MRTFB: variants seen among roughly 807,000 people sequenced by gnomAD.
MRTFB encodes myocardin related transcription factor B, also known as myocardin-related transcription factor B.
In MRTFB, 29 loss-of-function variants were observed where a neutral mutation model predicts 104.2. That is an observed-to-expected ratio of 0.28 (90% CI 0.21 to 0.38). The LOEUF (loss-of-function observed/expected upper bound fraction) is 0.38, where lower values mean the gene tolerates loss of function less well. MRTFB is among the 10% of genes least tolerant of loss of function. MRTFB has a pLI of 1.00. For synonymous variants in MRTFB, 535 were observed against 519.5 expected, an observed-to-expected ratio of 1.03 and a Z score of -0.41; for missense variants, 1,270 against 1,341.6, an observed-to-expected ratio of 0.95 and a Z score of 0.83.
At chr16:14,232,240 C>T (rs528833137) in intron 8 of MRTFB, among the ~76,000 whole-genome samples, 1 of 152,314 alleles carries the variant, frequency 6.6e-6, no homozygotes, top group African/African-American at 2.4e-5. Context: ...GTCTCTTTCA[C>T]ATACCAGTTA....
Position 14,232,078 on chromosome 16 carries a change from C to A in MRTFB, c.694-2068C>A, listed in dbSNP as rs1258621833. ...TATTACATTTGATACTACATCCATGCTCCTGGGTTATTTTTCATGTGATTA... is the reference window on the plus strand; with the variant it reads ...TATTACATTTGATACTACATCCATGATCCTGGGTTATTTTTCATGTGATTA... On this transcript the variant is annotated intron_variant, in intron 8 of 16. Transcript: ENST00000571589. Among the ~76,000 whole-genome samples, 8 of 152,296 alleles carry A rather than the reference C, an allele frequency of 5.3e-5. No individual in the cohort carries two copies. The South Asian group carries it at 8.3e-4, about 16-fold the overall frequency.
At chr16:14,070,560 C>T (rs1025037568), upstream of MRTFB, among the ~76,000 whole-genome samples, 1 of 152,224 alleles carries the variant, frequency 6.6e-6, no homozygotes, top group Non-Finnish European at 1.5e-5. Flanking sequence ...GGGAGTGGCA[C>T]AGGGGCTTCA....
chr16:14,144,454 A>G (rs2038186743), intron 3 of MRTFB: 2 of 152,334 alleles, frequency 1.3e-5, no homozygotes, highest in Non-Finnish European at 2.9e-5. Context: ...TCAGTTAGAT[A>G]GGAGGAATAA....
intron 2 of MRTFB, among the ~76,000 whole-genome samples, chr16:14,118,808 G>A (rs1397551873): frequency 6.6e-6 from 1 of 151,504 alleles, no homozygotes; most frequent in South Asian, 2.1e-4. Context: ...ACTACATTTG[G>A]TTTGAAGATT....
the MRTFB span, among the ~76,000 whole-genome samples, chr16:13,999,233 C>T: frequency 6.6e-6 from 1 of 151,442 alleles, no homozygotes; most frequent in Non-Finnish European, 1.5e-5. Flanking sequence ...ACCTCAGAGG[C>T]TTTCCTGGGT....
At chr16:14,119,775 G>A (rs187670517) in intron 2 of MRTFB, among the ~76,000 whole-genome samples, 3 of 152,160 alleles carry the variant, frequency 2.0e-5, no homozygotes, top group Admixed American at 6.5e-5. Flanking sequence ...GGTCTGTTGG[G>A]GCTTAGTGTA....
chr16:14,181,847 C>G (rs754283856), intron 3 of MRTFB, among the ~76,000 whole-genome samples: 1 of 152,076 alleles, frequency 6.6e-6, no homozygotes, highest in Non-Finnish European at 1.5e-5. Context: ...TTGGATTGTT[C>G]CTAGTCTCTA....
intron 2 of MRTFB, among the ~76,000 whole-genome samples, chr16:14,094,835 C>T (rs2035271582): frequency 6.6e-6 from 1 of 152,180 alleles, no homozygotes; most frequent in African/African-American, 2.4e-5. Context: ...GTGTTCCATG[C>T]TGTCATTAAT....
intron 3 of MRTFB, chr16:14,144,382 A>T (rs2038182069): frequency 6.6e-6 from 1 of 152,210 alleles, no homozygotes; most frequent in Non-Finnish European, 1.5e-5. Context: ...CATAAAAGGC[A>T]TCCTTATTTG....
At chr16:13,999,516 A>G in the MRTFB span, among the ~76,000 whole-genome samples, 241 of 150,926 alleles carry the variant, frequency 1.6e-3, 1 homozygote, top group Non-Finnish European at 2.9e-3. Context: ...AAAAAAAAAG[A>G]AAGAAAGAAA....
At chr16:14,088,250 A>T (rs547026192) in intron 2 of MRTFB, among the ~76,000 whole-genome samples, 25 of 152,262 alleles carry the variant, frequency 1.6e-4, no homozygotes, top group African/African-American at 5.5e-4. Flanking sequence ...GCCTTGTGCA[A>T]TGTCTTTTGT....
At chr16:14,031,609 T>A in the MRTFB span, among the ~76,000 whole-genome samples, 51 of 152,124 alleles carry the variant, frequency 3.4e-4, no homozygotes, top group African/African-American at 1.2e-3. Context: ...AAGAAATATA[T>A]ATATTTTGGT....
chr16:14,017,578 AACTG>A, the MRTFB span, among the ~76,000 whole-genome samples: 30 of 127,772 alleles, frequency 2.3e-4, no homozygotes, highest in African/African-American at 7.1e-4. Flanking sequence ...ACGAAAAGAG[AACTG>A]ACTGACTACA....
intron 3 of MRTFB, among the ~76,000 whole-genome samples, chr16:14,154,104 G>GAGAAGATCGTTTGAACCCAGGAGT (rs1221679376): frequency 2.0e-5 from 3 of 152,194 alleles, no homozygotes; most frequent in Non-Finnish European, 4.4e-5. Context: ...AGGCCAAGGT[G>GAGAAGATCGTTTGAACCCAGGAGT]AGAAGATCGT....
At chr16:13,999,153 G>A in the MRTFB span, among the ~76,000 whole-genome samples, 1 of 148,064 alleles carries the variant, frequency 6.8e-6, no homozygotes, top group African/African-American at 2.5e-5. Flanking sequence ...TCTCGTCACT[G>A]TACTCTAGCC....
chr16:14,169,041 T>C (rs868347203), intron 3 of MRTFB, among the ~76,000 whole-genome samples: 2 of 152,210 alleles, frequency 1.3e-5, no homozygotes, highest in African/African-American at 4.8e-5. Context: ...CTTTATATTA[T>C]AGTAATTTTT....
chr16:14,246,418 G>A (rs572417185), intron 11 of MRTFB, 55 bp from the exon 12 acceptor site: 2 of 1,569,474 alleles, frequency 1.3e-6, no homozygotes, highest in African/African-American at 1.4e-5. Context: ...AAAGCGTACT[G>A]TAGATTTGCC....
intron 2 of MRTFB, among the ~76,000 whole-genome samples, chr16:14,126,001 C>G (rs145566276): frequency 2.0e-3 from 301 of 152,318 alleles, no homozygotes; most frequent in African/African-American, 6.6e-3. Context: ...CTTAACTTCT[C>G]TGGCTACTCT....
intron 4 of MRTFB, among the ~76,000 whole-genome samples, 170 bp from the exon 5 acceptor site, chr16:14,212,184 T>C (rs2041219845): frequency 6.6e-6 from 1 of 152,218 alleles, no homozygotes; most frequent in African/African-American, 2.4e-5. Context: ...ATAATTTTTA[T>C]CCTGTAACAT....
Sources: allele counts gnomAD v4.1 joint callset (sites outside exome capture counted in the v4.1 genomes callset), GRCh38; gene constraint gnomAD v4.1.1; transcripts MANE v1.5; gene names NCBI Gene and HGNC (gene_info 2026-07-23, HGNC 2026-07-21).